GRM1: variants seen among roughly 807,000 people sequenced by gnomAD.
GRM1 encodes the protein metabotropic glutamate receptor 1.
In GRM1, 33 loss-of-function variants were observed where a neutral mutation model predicts 90.9. The observed-to-expected ratio is 0.36, with a 90% CI of 0.28 to 0.49. GRM1 has a LOEUF of 0.49. GRM1 is among the 20% of genes least tolerant of loss of function. The pLI is 0.99. For synonymous variants in GRM1, 700 were observed against 613.2 expected, an observed-to-expected ratio of 1.14 and a Z score of -2.09; for missense variants, 1,190 against 1,534.3, an observed-to-expected ratio of 0.78 and a Z score of 3.75.
chr6:146,351,177 G>C (rs959093530), intron 3 of GRM1, among the ~76,000 whole-genome samples: 2 of 152,160 alleles, frequency 1.3e-5, no homozygotes, highest in Admixed American at 1.3e-4. Flanking sequence ...ACAAAGGGCA[G>C]CTGGCAGGGA....
intron 1 of GRM1, among the ~76,000 whole-genome samples, chr6:146,106,922 T>C (rs1301729007): frequency 1.3e-5 from 2 of 152,200 alleles, no homozygotes; most frequent in Non-Finnish European, 2.9e-5. Context: ...CAATGATAAG[T>C]GCTTTTTACT....
chr6:146,359,734 C>T (rs759730223), intron 5 of GRM1, among the ~76,000 whole-genome samples: 10 of 152,266 alleles, frequency 6.6e-5, no homozygotes, highest in Non-Finnish European at 1.2e-4. Flanking sequence ...TTTGTCCCTG[C>T]ACCTAGACAC....
chr6:146,285,414 A>T (rs1782723873), intron 2 of GRM1, among the ~76,000 whole-genome samples: 1 of 152,198 alleles, frequency 6.6e-6, no homozygotes, highest in Non-Finnish European at 1.5e-5. Context: ...AGTGACAAAC[A>T]CCGTAACCTG....
At chr6:146,043,306 T>C (rs937854763) in intron 1 of GRM1, among the ~76,000 whole-genome samples, 2 of 151,824 alleles carry the variant, frequency 1.3e-5, no homozygotes. Flanking sequence ...TAAAAAAAAT[T>C]AGGTTTCCAG....
chr6:146,342,387 A>G (rs1393687216), intron 3 of GRM1, among the ~76,000 whole-genome samples: 1 of 152,246 alleles, frequency 6.6e-6, no homozygotes, highest in Non-Finnish European at 1.5e-5. Context: ...TGTACACACA[A>G]ACATTTGTTA....
At chr6:146,306,069 G>A (rs531270745) in intron 3 of GRM1, among the ~76,000 whole-genome samples, 1 of 152,272 alleles carries the variant, frequency 6.6e-6, no homozygotes, top group South Asian at 2.1e-4. Flanking sequence ...GCTTCATAAG[G>A]TTCAGCAGAG....
In GRM1 at chr6:146,029,440, G is replaced by C. The variant is rs549918628; in HGVS notation, c.-78G>C. On this transcript the variant is annotated 5_prime_UTR_variant, in exon 1 of 8. Transcript: ENST00000282753. The stretch of plus-strand genomic sequence containing the variant: ...CGGGAGAGGCGGCGCTGGGCGTCTT[G>C]GGGGTGCGCGCCGGGAGCCTGCAGC... 2.6e-6 allele frequency: 3 copies of C among 1,153,482 alleles called. No homozygotes were observed. Among genetic ancestry groups the C allele is most frequent in the Non-Finnish European group, 2.6e-6 (2 of 761,844 alleles). The allele number at this position is 1,153,482 out of a possible 1,614,324, so 71.5% of individuals were successfully genotyped here.
At chr6:146,145,423 T>C (rs879758747) in intron 1 of GRM1, among the ~76,000 whole-genome samples, 5 of 152,198 alleles carry the variant, frequency 3.3e-5, no homozygotes, top group Non-Finnish European at 7.3e-5. Flanking sequence ...ACTATCTCTA[T>C]GAGCTAGCTG....
intron 2 of GRM1, among the ~76,000 whole-genome samples, chr6:146,241,084 C>A (rs1021467779): frequency 3.9e-5 from 6 of 152,062 alleles, no homozygotes; most frequent in African/African-American, 1.4e-4. Flanking sequence ...TTTTCCTGAG[C>A]CTTCTGTTCA....
At chr6:146,181,830 GA>G (rs1259448877) in intron 2 of GRM1, among the ~76,000 whole-genome samples, 2 of 152,158 alleles carry the variant, frequency 1.3e-5, no homozygotes, top group African/African-American at 2.4e-5. Flanking sequence ...GATTAACAAT[GA>G]AAATCAATTA....
chr6:146,157,523 G>T (rs978169177), intron 1 of GRM1, among the ~76,000 whole-genome samples: 13 of 152,142 alleles, frequency 8.5e-5, no homozygotes, highest in Admixed American at 7.2e-4. Flanking sequence ...AAGAATAGAA[G>T]AAGCAAATAC....
intron 1 of GRM1, among the ~76,000 whole-genome samples, chr6:146,041,564 C>T (rs1339499074): frequency 6.6e-6 from 1 of 151,934 alleles, no homozygotes; most frequent in Non-Finnish European, 1.5e-5. Context: ...AAGAGAATTT[C>T]TCTGCTGTTT....
At position 146,434,382 on chromosome 6, in the gene GRM1, T is replaced by C; in HGVS notation, c.3171T>C (p.Gly1057=). The change falls in exon 8 of 8, where the codon GGT becomes GGC. Residue 1057 remains glycine (G), a synonymous_variant. Transcript: ENST00000282753. ...ACGCGGTGCTGGCAGGCCCCGGTGGTCCCGGGAACGGGCTGCGGTCCCTGT... is the reference window on the plus strand; with the variant it reads ...ACGCGGTGCTGGCAGGCCCCGGTGGCCCCGGGAACGGGCTGCGGTCCCTGT... ...DFHAVLAGPG[G]PGNGLRSLYP... 6.2e-7 allele frequency: 1 copy of C among 1,613,044 alleles called. No homozygotes were observed. Among genetic ancestry groups the C allele is most frequent in the East Asian group, 2.2e-5 (1 of 44,842 alleles).
At chr6:146,192,859 T>C (rs1778977147) in intron 2 of GRM1, among the ~76,000 whole-genome samples, 1 of 152,178 alleles carries the variant, frequency 6.6e-6, no homozygotes, top group African/African-American at 2.4e-5. Context: ...ATATGGACTG[T>C]GGGCTCTAGG....
chr6:146,204,893 A>G (rs1339728718), intron 2 of GRM1, among the ~76,000 whole-genome samples: 2 of 152,172 alleles, frequency 1.3e-5, no homozygotes, highest in African/African-American at 4.8e-5. Flanking sequence ...TGCCCTTGAA[A>G]TTCATGTAAT....
chr6:146,331,032 T>C (rs969202377), intron 3 of GRM1, among the ~76,000 whole-genome samples: 23 of 152,144 alleles, frequency 1.5e-4, no homozygotes, highest in African/African-American at 5.3e-4. Context: ...AGGAAGCACA[T>C]ACTATACACG....
intron 2 of GRM1, among the ~76,000 whole-genome samples, chr6:146,274,125 G>A (rs563341987): frequency 2.4e-4 from 36 of 152,200 alleles, no homozygotes; most frequent in African/African-American, 5.5e-4. Context: ...ATGTATATGA[G>A]TGCTTTTTAT....
intron 1 of GRM1, among the ~76,000 whole-genome samples, chr6:146,038,844 A>G (rs568336397): frequency 3.5e-4 from 54 of 152,132 alleles, no homozygotes; most frequent in African/African-American, 1.3e-3. Flanking sequence ...TGCTGATAGT[A>G]TGTTCAAGAG....
At chr6:146,425,535 C>G (rs1482009511) in intron 7 of GRM1, among the ~76,000 whole-genome samples, 1 of 152,166 alleles carries the variant, frequency 6.6e-6, no homozygotes, top group Non-Finnish European at 1.5e-5. Flanking sequence ...ACAGTTGTCA[C>G]CAGGATCTTC....
Sources: allele counts gnomAD v4.1 joint callset (sites outside exome capture counted in the v4.1 genomes callset), GRCh38; gene constraint gnomAD v4.1.1; transcripts MANE v1.5; gene names NCBI Gene and HGNC (gene_info 2026-07-23, HGNC 2026-07-21).